The following PGR variants were observed in gnomAD, a reference collection of about 807,000 sequenced individuals.
PGR encodes progesterone receptor.
A neutral mutation model predicts 76.1 loss-of-function variants in PGR; 25 were observed. The observed-to-expected ratio is 0.33, with a 90% CI of 0.24 to 0.46. The LOEUF (loss-of-function observed/expected upper bound fraction) is 0.46. PGR is among the 20% of genes least tolerant of loss of function. PGR has a pLI of 1.00. For missense variants in PGR, 1,172 were observed against 1,225.3 expected (o/e 0.96, Z 0.65); for synonymous variants, 579 against 535.0 (o/e 1.08, Z -1.14).
At position 101,127,689 on chromosome 11, in the gene PGR, A is replaced by G. The variant is rs766495477; in HGVS notation, c.1382T>C (p.Ile461Thr). 1.0e-5 allele frequency: 16 copies of G among 1,580,572 alleles called. No homozygotes were observed. The highest frequency in any genetic ancestry group is 1.8e-5 in the Admixed American group (1 of 57,114). ...CGGCGCGCCCTCCGCTTTGTACAGG[A>G]TGCACTCCAGGGTCGACCCCGAGGA... ...ASSSGSTLEC[I>T]LYKAEGAPPQ... Residue 461 changes from isoleucine (I) to threonine (T), a missense_variant, in exon 1 of 8, where the codon ATC becomes ACC. Ile to Thr is a moderately conservative substitution (Grantham distance 89). Around this residue, in one of 4 missense-constraint regions of PGR, gnomAD observed 893 missense variants for 785.9 expected, o/e 1.14. Coordinates refer to ENST00000325455, the MANE Select transcript of PGR (RefSeq NM_000926.4).
At position 101,039,067 on chromosome 11, in the gene PGR, C is replaced by T. The variant is rs896710532; in HGVS notation, c.*49G>A. ...CAAGACCTCATAATCCTGACCAAAA[C>T]AAAAAGACATACCACAAAATTTAAT... On this transcript the variant is annotated 3_prime_UTR_variant, in exon 8 of 8. Coordinates refer to ENST00000325455, the MANE Select transcript of PGR (RefSeq NM_000926.4). 1 of 1,511,408 alleles carries T rather than the reference C, an allele frequency of 6.6e-7. No individual in the cohort carries two copies. Among genetic ancestry groups the T allele is most frequent in the Non-Finnish European group, 9.2e-7 (1 of 1,089,544 alleles). The allele number at this position is 1,511,408 out of a possible 1,614,324, so 93.6% of individuals were successfully genotyped here. A position where few individuals can be genotyped will look rare whatever the true frequency, so the allele number is the denominator to read the frequency against.
Position 101,036,246 on chromosome 11 carries a change from T to A in PGR, c.*2870A>T, listed in dbSNP as rs541558558. On this transcript the variant is annotated 3_prime_UTR_variant, in exon 8 of 8. Coordinates refer to ENST00000325455, the MANE Select transcript of PGR (RefSeq NM_000926.4). ...ATATCATCTGTATAGCAATAAATTA[T>A]CTTAATGTTAAATGGGAAAAAATAG... is the stretch of plus-strand genomic sequence containing the variant. 499 of 221,950 alleles carry A rather than the reference T, an allele frequency of 2.2e-3. 3 individuals are homozygous for A. The highest frequency in any genetic ancestry group is 3.4e-3 in the Non-Finnish European group (376 of 111,076). 13.7% of individuals were successfully genotyped at this position (221,950 alleles called of 1,614,324 possible).
At chr11:101,087,004 T>C (rs1433556956) in intron 3 of PGR, among the ~76,000 whole-genome samples, 2 of 152,194 alleles carry the variant, frequency 1.3e-5, no homozygotes, top group African/African-American at 4.8e-5. Context: ...AAAATGGCCA[T>C]ACTGTCCAAA....
At chr11:101,095,953 T>C (rs1861818171) in intron 2 of PGR, among the ~76,000 whole-genome samples, 1 of 152,178 alleles carries the variant, frequency 6.6e-6, no homozygotes, top group South Asian at 2.1e-4. Flanking sequence ...TTCCAAAAGA[T>C]GTAATCCAGT....
At chr11:101,066,246 G>T (rs1028483393) in intron 3 of PGR, among the ~76,000 whole-genome samples, 3 of 152,150 alleles carry the variant, frequency 2.0e-5, no homozygotes, top group African/African-American at 7.2e-5. Context: ...ATTTCTAAAT[G>T]TCAAAAAACA....
chr11:101,074,017 A>T (rs1318312380), intron 3 of PGR, among the ~76,000 whole-genome samples: 1 of 152,114 alleles, frequency 6.6e-6, no homozygotes, highest in Admixed American at 6.6e-5. Flanking sequence ...CGGCAGAGAA[A>T]CAACAAAAAA....
intron 3 of PGR, among the ~76,000 whole-genome samples, chr11:101,064,584 T>A (rs1378027832): frequency 6.6e-6 from 1 of 151,998 alleles, no homozygotes; most frequent in Non-Finnish European, 1.5e-5. Flanking sequence ...TAAGGGAAGA[T>A]AATGTTAAGA....
At position 101,035,788 on chromosome 11, in the gene PGR, A is replaced by G. The variant is rs895974764; in HGVS notation, c.*3328T>C. The G allele has an allele frequency of 2.0e-4, 47 of 232,012 alleles. No individual in the cohort carries two copies. The highest frequency in any genetic ancestry group is 9.9e-4 in the African/African-American group (45 of 45,292). The allele number at this position is 232,012 out of a possible 1,614,324, so 14.4% of individuals were successfully genotyped here. ...TTGAATACTTCCAGCCCTAATTTCAAATGAATTCAACCAAATATATCATAG... is the reference window on the plus strand; with the variant it reads ...TTGAATACTTCCAGCCCTAATTTCAGATGAATTCAACCAAATATATCATAG... On this transcript the variant is annotated 3_prime_UTR_variant, in exon 8 of 8. Coordinates refer to ENST00000325455, the MANE Select transcript of PGR (RefSeq NM_000926.4).
At chr11:101,051,132 T>C (rs1860074257) in intron 5 of PGR, among the ~76,000 whole-genome samples, 1 of 152,058 alleles carries the variant, frequency 6.6e-6, no homozygotes, top group Admixed American at 6.6e-5. Context: ...ATATTTCTCA[T>C]TTATTATTGT....
At chr11:101,115,608 C>T (rs1005875306) in intron 2 of PGR, among the ~76,000 whole-genome samples, 2 of 152,030 alleles carry the variant, frequency 1.3e-5, no homozygotes, top group Non-Finnish European at 2.9e-5. Flanking sequence ...CCCATCTCTA[C>T]TAAAACTACA....
In PGR at chr11:101,129,496, CT is replaced by C; in HGVS notation, c.-427del. On this transcript the variant is annotated 5_prime_UTR_variant, in exon 1 of 8. The change abolishes the stop of an existing upstream ORF in the 5' untranslated region. Coordinates refer to ENST00000325455, the MANE Select transcript of PGR (RefSeq NM_000926.4). ...GACACGCGGCTCCTTTATCTCCCGACTTTTTCTCTGGCATCAAACTCGTGCA... is the reference window on the plus strand; with the variant it reads ...GACACGCGGCTCCTTTATCTCCCGACTTTTCTCTGGCATCAAACTCGTGCA... 1.3e-5 allele frequency: 3 copies of C among 226,724 alleles called. No homozygotes were observed. Among genetic ancestry groups the C allele is most frequent in the East Asian group, 6.9e-5 (1 of 14,542 alleles). 14.0% of individuals were successfully genotyped at this position (226,724 alleles called of 1,614,324 possible).
intron 2 of PGR, among the ~76,000 whole-genome samples, chr11:101,108,529 G>T (rs913106529): frequency 6.6e-6 from 1 of 152,138 alleles, no homozygotes; most frequent in Non-Finnish European, 1.5e-5. Context: ...ACTACAATAA[G>T]AGTTTTAAGT....
At chr11:101,088,080 C>A (rs905723144) in intron 3 of PGR, among the ~76,000 whole-genome samples, 3 of 151,738 alleles carry the variant, frequency 2.0e-5, no homozygotes, top group Non-Finnish European at 4.4e-5. Context: ...TGCCTGTAGT[C>A]TCAGCTACTC....
intron 3 of PGR, among the ~76,000 whole-genome samples, chr11:101,089,250 A>C (rs2135452980): frequency 6.6e-6 from 1 of 152,342 alleles, no homozygotes; most frequent in Non-Finnish European, 1.5e-5. Context: ...CCCAGAGTTT[A>C]ACACATAATC....
Position 101,097,933 on chromosome 11 carries a change from C to T in PGR, c.1790-6057G>A, listed in dbSNP as rs373703637. 8.4e-4 allele frequency among the ~76,000 whole-genome samples: 128 copies of T among 152,070 alleles called. 2 individuals carry two copies. The East Asian group carries it at 0.019, about 22-fold the overall frequency. On this transcript the variant is annotated intron_variant, in intron 2 of 7. Transcript: ENST00000325455. ...CTGGAACTACAGGCGCCCACCACCA[C>T]GTCTGGCTAATTTTTTGTATTTTTA...
intron 2 of PGR, among the ~76,000 whole-genome samples, chr11:101,102,970 C>T (rs181631426): frequency 9.9e-5 from 15 of 151,956 alleles, no homozygotes; most frequent in African/African-American, 2.4e-4. Flanking sequence ...CCCTGGCACG[C>T]GCAGTTTGCA....
At chr11:101,052,400 A>G (rs1860126163) in intron 4 of PGR, among the ~76,000 whole-genome samples, 3 of 151,736 alleles carry the variant, frequency 2.0e-5, no homozygotes. Flanking sequence ...GAAGGATGGC[A>G]GGGAAAGGGC....
At position 101,032,301 on chromosome 11, in the gene PGR, T is replaced by A. The variant is rs1367836693; in HGVS notation, c.*6815A>T. The A allele has an allele frequency of 4.3e-6, 1 of 232,794 alleles. No individual in the cohort carries two copies. The highest frequency in any genetic ancestry group is 8.5e-6 in the Non-Finnish European group (1 of 117,878). 14.4% of individuals were successfully genotyped at this position (232,794 alleles called of 1,614,324 possible). On this transcript the variant is annotated 3_prime_UTR_variant, in exon 8 of 8. Coordinates refer to ENST00000325455, the MANE Select transcript of PGR (RefSeq NM_000926.4). ...CAAAATAGTGCAACTTCCTCAAAAA[T>A]GTTCTCCCTGCTTCCAGGATTAGTC... is the stretch of plus-strand genomic sequence containing the variant.
intron 2 of PGR, among the ~76,000 whole-genome samples, chr11:101,113,552 G>C (rs1208936895): frequency 6.6e-6 from 1 of 151,998 alleles, no homozygotes; most frequent in African/African-American, 2.4e-5. Flanking sequence ...TTACAGGCGT[G>C]AGCCATTGCA....
Sources: allele counts gnomAD v4.1 joint callset (sites outside exome capture counted in the v4.1 genomes callset), GRCh38; gene constraint gnomAD v4.1.1; regional missense constraint gnomAD v4.1.1; transcripts MANE v1.5; gene names NCBI Gene and HGNC (gene_info 2026-07-23, HGNC 2026-07-21).